CEP85: variants seen among roughly 807,000 people sequenced by gnomAD.
The protein encoded by CEP85 is centrosomal protein of 85 kDa.
In CEP85, 58 loss-of-function variants were observed where a neutral mutation model predicts 93.7. The observed-to-expected ratio is 0.62, with a 90% CI of 0.50 to 0.77. The LOEUF (loss-of-function observed/expected upper bound fraction) is 0.77. Among genes scored for constraint, CEP85 ranks in the 30% least tolerant of loss-of-function variants. CEP85 has a pLI of 0.00. For synonymous variants in CEP85, 314 were observed against 338.6 expected (o/e 0.93, Z 0.80); for missense variants, 868 against 922.0 (o/e 0.94, Z 0.76).
In CEP85 at chr1:26,272,018, C is replaced by T. The variant is rs745469095; in HGVS notation, c.1744-3C>T. ...AGCCTTCCTTGATAACTTTGCCTTT[C>T]AGATTGTGGAGAAGCAGCAGCAGAA... On this transcript the variant is annotated splice_region_variant and splice_polypyrimidine_tract_variant and intron_variant, in intron 10 of 13. Transcript: ENST00000451429. The T allele has an allele frequency of 2.7e-5, 44 of 1,613,892 alleles. No individual in the cohort carries two copies. The highest frequency in any genetic ancestry group is 3.6e-5 in the Non-Finnish European group (42 of 1,179,982).
rs77388359 is a variant in CEP85 at position 26,273,105 on chromosome 1, A to G, written c.1794+1034A>G. Among the ~76,000 whole-genome samples, 549 of 152,290 alleles carry G rather than the reference A, an allele frequency of 3.6e-3. 5 individuals carry two copies. The highest frequency in any genetic ancestry group is 0.013 in the African/African-American group (537 of 41,562). On this transcript the variant is annotated intron_variant, in intron 11 of 13. Coordinates refer to ENST00000451429, the MANE Select transcript of CEP85 (RefSeq NM_001319944.2). Reference sequence around the variant, plus strand: ...TAGCAGCGAGGAGATGTGAGGGGACAGATTTAAGTGACTTTAGGAGGTAAC... The same window carrying G: ...TAGCAGCGAGGAGATGTGAGGGGACGGATTTAAGTGACTTTAGGAGGTAAC...
intron 8 of CEP85, among the ~76,000 whole-genome samples, chr1:26,269,030 CGGTCACCTGCTTTGACCTGAGTCACCCT>C (rs995875176): frequency 2.0e-5 from 3 of 152,178 alleles, no homozygotes; most frequent in African/African-American, 4.8e-5. Context: ...TGACTCATCC[CGGTCACCTGCTTTGACCTGAGTCACCCT>C]GGTCACCTGC....
At chr1:26,239,639 A>G in intron 1 of CEP85, 123 bp from the exon 2 acceptor site, 2 of 633,270 alleles carry the variant, frequency 3.2e-6, no homozygotes, top group Non-Finnish European at 5.6e-6. Flanking sequence ...GGTGTGAGCC[A>G]CTGTGCCTGG....
chr1:26,237,732 G>A (rs2089348270), intron 1 of CEP85, among the ~76,000 whole-genome samples: 1 of 152,018 alleles, frequency 6.6e-6, no homozygotes, highest in Non-Finnish European at 1.5e-5. Context: ...TGAGTCATAG[G>A]GTAACTCGGA....
In CEP85 at chr1:26,259,747, C is replaced by T. The variant is rs764962816; in HGVS notation, c.1286C>T (p.Ser429Leu). 22 of 1,613,378 alleles carry T rather than the reference C, an allele frequency of 1.4e-5. 1 individual carries two copies. Among genetic ancestry groups the T allele is most frequent in the South Asian group, 7.7e-5 (7 of 90,934 alleles). Residue 429 changes from serine to leucine, a missense_variant, in exon 7 of 14, where the codon TCG (serine) becomes TTG (leucine). By Grantham distance (145) the Ser-to-Leu change is moderately radical. Transcript: ENST00000451429. ...GTTGAAGTCCAGCTCATCAGAGAGT[C>T]GCTCAAAGTGGCGTTGCAGAAGCAT... is the stretch of plus-strand genomic sequence containing the variant. ...SEVEVQLIRE[S>L]LKVALQKHSE...
rs1226947676 is a variant in CEP85 at position 26,239,796 on chromosome 1, G to A, written c.13G>A (p.Glu5Lys). The change falls in exon 2 of 14, where the codon GAG becomes AAG. Residue 5 changes from glutamate (E) to lysine (K), a missense_variant. Glu to Lys is a moderately conservative substitution (Grantham distance 56). Transcript: ENST00000451429. ...ATAACTGTGATTGATGGCCATGCAG[G>A]AGAAATATCCAACTGAGGGGATCTC... MAMQ[E>K]KYPTEGISHV... The A allele has an allele frequency of 1.2e-6, 2 of 1,613,522 alleles. No individual in the cohort carries two copies. Among genetic ancestry groups the A allele is most frequent in the South Asian group, 1.1e-5 (1 of 91,080 alleles).
rs17163768 is a variant in CEP85, at chr1:26,254,336, T to C, written c.209-835T>C. Reference sequence around the variant, plus strand: ...CTTGAAAGTTGGAAATAGGTAGAAATGTGAACCTTGTATAGTAGGGCTAAT... The same window carrying C: ...CTTGAAAGTTGGAAATAGGTAGAAACGTGAACCTTGTATAGTAGGGCTAAT... On this transcript the variant is annotated intron_variant, in intron 3 of 13. Transcript: ENST00000451429. 9.9e-3 allele frequency among the ~76,000 whole-genome samples: 1,512 copies of C among 151,960 alleles called. 20 individuals are homozygous for C. Among genetic ancestry groups the C allele is most frequent in the African/African-American group, 0.034 (1,399 of 41,384 alleles).
intron 3 of CEP85, among the ~76,000 whole-genome samples, chr1:26,248,640 C>T (rs984595795): frequency 6.7e-6 from 1 of 149,124 alleles, no homozygotes; most frequent in Non-Finnish European, 1.5e-5. Context: ...GGATTACAGG[C>T]GTGTACCACC....
chr1:26,272,136 A>G lies in CEP85; in HGVS notation c.1794+65A>G, dbSNP rs117860429. The G allele has an allele frequency of 6.3e-5, 95 of 1,518,300 alleles. No homozygotes were observed. In the East Asian group the frequency reaches 1.9e-3, roughly 30 times the overall value. The allele number at this position is 1,518,300 out of a possible 1,614,324, so 94.1% of individuals were successfully genotyped here. A position where few individuals can be genotyped will look rare whatever the true frequency, so the allele number is the denominator to read the frequency against. Reference sequence around the variant, plus strand: ...TGATGGAATCTCTAGAATTTAGCCAATATTTATTTTGTTCTCTGCCATGCA... The same window carrying G: ...TGATGGAATCTCTAGAATTTAGCCAGTATTTATTTTGTTCTCTGCCATGCA... On this transcript the variant is annotated intron_variant, in intron 11 of 13. Coordinates refer to ENST00000451429, the MANE Select transcript of CEP85 (RefSeq NM_001319944.2).
intron 5 of CEP85, 89 bp from the exon 6 acceptor site, chr1:26,258,054 G>T: frequency 2.4e-6 from 2 of 839,674 alleles, no homozygotes; most frequent in East Asian, 2.4e-5. Context: ...CTAAGATCTT[G>T]CTTACGTAAT....
At chr1:26,256,414 C>A (rs992916666) in intron 4 of CEP85, among the ~76,000 whole-genome samples, 1 of 151,762 alleles carries the variant, frequency 6.6e-6, no homozygotes, top group Non-Finnish European at 1.5e-5. Flanking sequence ...GCCTGTAGTC[C>A]CAACTACTCA....
intron 7 of CEP85, among the ~76,000 whole-genome samples, chr1:26,264,804 CA>C (rs1322911115): frequency 6.6e-6 from 1 of 151,964 alleles, no homozygotes; most frequent in African/African-American, 2.4e-5. Context: ...CAGTTCTATA[CA>C]TAGTTTTTTT....
chr1:26,241,095 A>G (rs1557647307), intron 2 of CEP85, among the ~76,000 whole-genome samples: 1 of 152,090 alleles, frequency 6.6e-6, no homozygotes, highest in Admixed American at 6.6e-5. Flanking sequence ...AACTCAGGGT[A>G]TGTTTTATTT....
At chr1:26,235,466 G>A (rs1357422617) in intron 1 of CEP85, among the ~76,000 whole-genome samples, 1 of 151,750 alleles carries the variant, frequency 6.6e-6, no homozygotes, top group Non-Finnish European at 1.5e-5. Context: ...TCCTTCGTGT[G>A]TCTGTGTCAG....
intron 13 of CEP85, 45 bp from the exon 14 acceptor site, chr1:26,277,091 T>TG (rs1363346506): frequency 1.9e-6 from 3 of 1,592,500 alleles, no homozygotes; most frequent in Non-Finnish European, 2.6e-6. Flanking sequence ...CACATGAAAA[T>TG]GTCTCATAAC....
chr1:26,252,802 T>C (rs2089639569), intron 3 of CEP85, among the ~76,000 whole-genome samples: 1 of 152,224 alleles, frequency 6.6e-6, no homozygotes, highest in Admixed American at 6.5e-5. Flanking sequence ...GCAAATTAGA[T>C]ACTATGCATG....
At chr1:26,277,086 G>A (rs2090064241) in intron 13 of CEP85, 50 bp from the exon 14 acceptor site, 1 of 1,586,282 alleles carries the variant, frequency 6.3e-7, no homozygotes, top group African/African-American at 1.3e-5. Flanking sequence ...CCCTCCACAT[G>A]AAAATGTCTC....
chr1:26,253,208 C>T (rs2089646299), intron 3 of CEP85, among the ~76,000 whole-genome samples: 1 of 152,130 alleles, frequency 6.6e-6, no homozygotes, highest in African/African-American at 2.4e-5. Flanking sequence ...CTTGGACATA[C>T]ATATTTCATA....
chr1:26,268,933 C>A (rs1473626847), intron 8 of CEP85, among the ~76,000 whole-genome samples: 1 of 152,070 alleles, frequency 6.6e-6, no homozygotes, highest in Admixed American at 6.6e-5. Flanking sequence ...TTCTCTTCGC[C>A]CTCTTGCTTC....
Sources: allele counts gnomAD v4.1 joint callset (sites outside exome capture counted in the v4.1 genomes callset), GRCh38; gene constraint gnomAD v4.1.1; transcripts MANE v1.5; gene names NCBI Gene and HGNC (gene_info 2026-07-23, HGNC 2026-07-21).